MAPKAPK3: variants seen among roughly 807,000 people sequenced by gnomAD.
The protein encoded by MAPKAPK3 is MAPK activated protein kinase 3, also known as MAP kinase-activated protein kinase 3.
Under a neutral mutation model 49.2 loss-of-function variants are expected in MAPKAPK3, and 35 were observed. The ratio of observed to expected loss-of-function variants is 0.71; its 90% CI spans 0.54 to 0.94. MAPKAPK3 has a LOEUF of 0.94. MAPKAPK3 is among the 40% of genes least tolerant of loss of function. MAPKAPK3 has a pLI of 0.00. For synonymous variants in MAPKAPK3, 178 were observed against 188.7 expected, an observed-to-expected ratio of 0.94 and a Z score of 0.46; for missense variants, 398 against 493.1, an observed-to-expected ratio of 0.81 and a Z score of 1.83.
chr3:50,612,097 T>C (rs1486119967), exon 1 of MAPKAPK3: 1 of 175,694 alleles, frequency 5.7e-6, no homozygotes, highest in Admixed American at 6.3e-5. Flanking sequence ...TAGCAGCGCG[T>C]GGACCCGGGG....
At position 50,648,219 on chromosome 3, in the gene MAPKAPK3, C is replaced by T; in HGVS notation, c.*173C>T. The T allele has an allele frequency of 1.5e-6, 1 of 671,662 alleles. No individual in the cohort carries two copies. Among genetic ancestry groups the T allele is most frequent in the Non-Finnish European group, 2.5e-6 (1 of 406,530 alleles). The allele number at this position is 671,662 out of a possible 1,614,324, so 41.6% of individuals were successfully genotyped here. On this transcript the variant is annotated 3_prime_UTR_variant, in exon 11 of 11. Transcript: ENST00000621469. ...GAGGACCCTGACCCTAAACCTCCTT[C>T]AGATCTCTGGCCCAGGCTCAAGCCC...
intron 2 of MAPKAPK3, among the ~76,000 whole-genome samples, chr3:50,626,081 C>A (rs1412845515): frequency 2.3e-4 from 1 of 4,316 alleles, no homozygotes; most frequent in East Asian, 0.056. Context: ...TCCCCCGCCA[C>A]CCCCCCATGG....
intron 2 of MAPKAPK3, among the ~76,000 whole-genome samples, chr3:50,634,616 G>A (rs1018431134): frequency 1.3e-5 from 2 of 152,000 alleles, no homozygotes; most frequent in Non-Finnish European, 2.9e-5. Context: ...AGCCTTCCAA[G>A]TAGCTGGGAT....
At chr3:50,626,019 A>C (rs1006572729) in intron 2 of MAPKAPK3, among the ~76,000 whole-genome samples, 1 of 152,168 alleles carries the variant, frequency 6.6e-6, no homozygotes, top group African/African-American at 2.4e-5. Context: ...CAGCCTTGGC[A>C]GTCAGAACAG....
At position 50,647,959 on chromosome 3, in the gene MAPKAPK3, G is replaced by T. The variant is rs776095845; in HGVS notation, c.1062G>T (p.Leu354=). 8 of 1,613,916 alleles carry T rather than the reference G, an allele frequency of 5.0e-6. No individual in the cohort carries two copies. The Admixed American group carries it at 1.0e-4, about 20-fold the overall frequency. ...VDYDQVKIKD[L]KTSNNRLLNK... is the part of the protein sequence containing the mutation. ...ACGACCAGGTGAAGATCAAGGACCTGAAGACCTCTAACAACCGGCTCCTCA... is the reference window on the plus strand; with the variant it reads ...ACGACCAGGTGAAGATCAAGGACCTTAAGACCTCTAACAACCGGCTCCTCA... Residue 354 remains leucine (L), a synonymous_variant, in exon 11 of 11, where the codon CTG becomes CTT. Coordinates refer to ENST00000621469, the MANE Select transcript of MAPKAPK3 (RefSeq NM_001243925.2).
In MAPKAPK3 at chr3:50,640,346, C is replaced by G. The variant is rs773146823; in HGVS notation, c.220-20C>G. 6.2e-7 allele frequency: 1 copy of G among 1,607,852 alleles called. No individual in the cohort carries two copies. The highest frequency in any genetic ancestry group is 1.1e-5 in the South Asian group (1 of 90,542). ...TAGAGGGCTCTGAGCCTGACACTTT[C>G]TATGTGCACCCACCTACAGCTCCTG... On this transcript the variant is annotated intron_variant, in intron 2 of 10. Transcript: ENST00000621469.
intron 7 of MAPKAPK3, 81 bp from the exon 8 acceptor site, chr3:50,646,059 C>T: frequency 1.3e-6 from 2 of 1,533,814 alleles, no homozygotes; most frequent in South Asian, 1.2e-5. Context: ...TCTGTCTCCC[C>T]AGTCAGGGGC....
At chr3:50,626,193 A>T (rs1466314794) in intron 2 of MAPKAPK3, among the ~76,000 whole-genome samples, 1 of 152,038 alleles carries the variant, frequency 6.6e-6, no homozygotes, top group Non-Finnish European at 1.5e-5. Flanking sequence ...GGGACTAGGC[A>T]CAGTACGACC....
Position 50,641,857 on chromosome 3 carries a change from G to T in MAPKAPK3, c.424+86G>T. 4 of 1,109,526 alleles carry T rather than the reference G, an allele frequency of 3.6e-6. No homozygotes were observed. In the East Asian group the frequency reaches 9.4e-5, roughly 26 times the overall value. The allele number at this position is 1,109,526 out of a possible 1,614,324, so 68.7% of individuals were successfully genotyped here. On this transcript the variant is annotated intron_variant, in intron 4 of 10. Transcript: ENST00000621469. ...TGTGTGTGATGCTAGGCAAGACCCT[G>T]TTCCTCTCAGTCTTCCCATCTGAAT...
Position 50,617,721 on chromosome 3 carries a change from G to C in MAPKAPK3, c.156G>C (p.Leu52=). The C allele has an allele frequency of 1.9e-6, 3 of 1,613,708 alleles. No homozygotes were observed. The highest frequency in any genetic ancestry group is 2.5e-6 in the Non-Finnish European group (3 of 1,180,012). ...AGTTGTCCAAGCAGGTGCTGGGCCT[G>C]GGTGTGAACGGCAAAGTGCTGGAGT... ...DYQLSKQVLG[L]GVNGKVLECF... is the part of the protein sequence containing the mutation. Residue 52 remains leucine (L), a synonymous_variant, in exon 2 of 11, where the codon CTG becomes CTC. Transcript: ENST00000621469.
At chr3:50,620,651 G>A (rs752442545) in intron 2 of MAPKAPK3, among the ~76,000 whole-genome samples, 9 of 152,292 alleles carry the variant, frequency 5.9e-5, no homozygotes, top group East Asian at 1.9e-4. Flanking sequence ...GGCCTCTTCC[G>A]CTTTCCCTTA....
intron 2 of MAPKAPK3, among the ~76,000 whole-genome samples, chr3:50,639,088 G>A (rs1415473240): frequency 6.6e-6 from 1 of 152,184 alleles, no homozygotes; most frequent in Non-Finnish European, 1.5e-5. Flanking sequence ...GTGCTGGTTG[G>A]CAGCCACAGT....
chr3:50,634,790 C>G (rs1052037897), intron 2 of MAPKAPK3, among the ~76,000 whole-genome samples: 2 of 152,204 alleles, frequency 1.3e-5, no homozygotes, highest in Non-Finnish European at 2.9e-5. Flanking sequence ...CGTGCTTAGC[C>G]CCTTCCTATC....
intron 3 of MAPKAPK3, 126 bp downstream of exon 3, chr3:50,640,631 G>A: frequency 4.9e-6 from 6 of 1,217,498 alleles, no homozygotes; most frequent in Non-Finnish European, 6.8e-6. Context: ...TAGCCCCTGA[G>A]GGGCAATGGA....
At chr3:50,628,512 G>A (rs1280962351) in intron 2 of MAPKAPK3, among the ~76,000 whole-genome samples, 1 of 152,226 alleles carries the variant, frequency 6.6e-6, no homozygotes, top group African/African-American at 2.4e-5. Context: ...CCAGGGTAAA[G>A]TTTCACAGAT....
At chr3:50,626,530 A>G (rs1157009941) in intron 2 of MAPKAPK3, among the ~76,000 whole-genome samples, 2 of 152,168 alleles carry the variant, frequency 1.3e-5, no homozygotes, top group Admixed American at 1.3e-4. Context: ...AGCCTCCACA[A>G]GAGACCCATA....
Position 50,629,271 on chromosome 3 carries a change from G to A in MAPKAPK3, c.220-11095G>A, listed in dbSNP as rs563277967. Among the ~76,000 whole-genome samples, 5 of 152,220 alleles carry A rather than the reference G, an allele frequency of 3.3e-5. 1 individual carries two copies. In the South Asian group the frequency reaches 6.2e-4, roughly 19 times the overall value. On this transcript the variant is annotated intron_variant, in intron 2 of 10. Coordinates refer to ENST00000621469, the MANE Select transcript of MAPKAPK3 (RefSeq NM_001243925.2). ...TGACCTGCTGAATTGGAGAGGTTCT[G>A]CCTCCCCCAGGTCCCCAAGGCTGCA... is the stretch of plus-strand genomic sequence containing the variant.
intron 2 of MAPKAPK3, among the ~76,000 whole-genome samples, chr3:50,630,090 T>A (rs2032864989): frequency 6.6e-6 from 1 of 152,128 alleles, no homozygotes; most frequent in Admixed American, 6.5e-5. Flanking sequence ...TGTTTAGGGG[T>A]CCTCCTTTCT....
intron 2 of MAPKAPK3, among the ~76,000 whole-genome samples, chr3:50,625,996 G>T (rs2107579286): frequency 6.6e-6 from 1 of 152,280 alleles, no homozygotes; most frequent in African/African-American, 2.4e-5. Flanking sequence ...TGCCCGCCTT[G>T]ACCAGGTGTC....
Sources: allele counts gnomAD v4.1 joint callset (sites outside exome capture counted in the v4.1 genomes callset), GRCh38; gene constraint gnomAD v4.1.1; transcripts MANE v1.5; gene names NCBI Gene and HGNC (gene_info 2026-07-23, HGNC 2026-07-21).